Variants in ADK observed in about 807,000 individuals in gnomAD.
ADK encodes the protein adenosine kinase.
Under a neutral mutation model 44.7 loss-of-function variants are expected in ADK, and 24 were observed. The ratio of observed to expected loss-of-function variants is 0.54; its 90% CI spans 0.39 to 0.76. The LOEUF (loss-of-function observed/expected upper bound fraction) is 0.76, where lower values mean the gene tolerates loss of function less well. Ranked by LOEUF, ADK falls within the 30% of genes least tolerant of loss-of-function variation. The pLI, the probability that ADK is intolerant of heterozygous loss-of-function variation, is 0.00. For synonymous variants in ADK, 128 were observed against 142.6 expected, an observed-to-expected ratio of 0.90 and a Z score of 0.73; for missense variants, 321 against 425.1, an observed-to-expected ratio of 0.76 and a Z score of 2.15.
intron 7 of ADK, among the ~76,000 whole-genome samples, chr10:74,532,295 T>C (rs566031874): frequency 4.0e-4 from 61 of 151,936 alleles, no homozygotes; most frequent in African/African-American, 1.5e-3. Context: ...CTGGCCAACA[T>C]TGCAAAACCT....
chr10:74,313,272 A>C (rs1009318855), intron 3 of ADK, among the ~76,000 whole-genome samples: 2 of 152,070 alleles, frequency 1.3e-5, no homozygotes, highest in African/African-American at 2.4e-5. Flanking sequence ...TTCTTTTTCA[A>C]AGTCATACAC....
chr10:74,278,181 C>T (rs1247478798), intron 3 of ADK, among the ~76,000 whole-genome samples: 1 of 151,432 alleles, frequency 6.6e-6, no homozygotes. Context: ...TGGCAAAACC[C>T]CATCTCTACT....
intron 2 of ADK, among the ~76,000 whole-genome samples, chr10:74,223,001 T>G (rs1032853647): frequency 3.3e-5 from 5 of 152,076 alleles, no homozygotes; most frequent in African/African-American, 1.2e-4. Context: ...CCCTAAAACT[T>G]AAAGTATAAT....
intron 9 of ADK, among the ~76,000 whole-genome samples, chr10:74,648,798 T>A (rs1049864907): frequency 1.3e-5 from 2 of 152,238 alleles, no homozygotes; most frequent in African/African-American, 2.4e-5. Flanking sequence ...CAAGGTTTTT[T>A]ATACTGTCCA....
chr10:74,639,387 T>G (rs1338616182), intron 9 of ADK, among the ~76,000 whole-genome samples: 1 of 152,242 alleles, frequency 6.6e-6, no homozygotes, highest in African/African-American at 2.4e-5. Flanking sequence ...TCATGTCACT[T>G]TTATGTATAA....
At chr10:74,685,996 C>T (rs1855771809) in intron 10 of ADK, among the ~76,000 whole-genome samples, 1 of 151,992 alleles carries the variant, frequency 6.6e-6, no homozygotes, top group African/African-American at 2.4e-5. Flanking sequence ...GTGTCTCGCT[C>T]TGTTGCTTAG....
At chr10:74,170,111 T>G (rs1271310658) in intron 1 of ADK, among the ~76,000 whole-genome samples, 1 of 152,190 alleles carries the variant, frequency 6.6e-6, no homozygotes, top group Non-Finnish European at 1.5e-5. Flanking sequence ...TAATATTATT[T>G]TACTGATTTT....
chr10:74,332,673 T>C (rs1002604277), intron 4 of ADK, among the ~76,000 whole-genome samples: 2 of 152,164 alleles, frequency 1.3e-5, no homozygotes, highest in East Asian at 3.8e-4. Flanking sequence ...AATCTGTTCA[T>C]AATGAACAAA....
At chr10:74,659,308 C>A (rs1203612105) in intron 9 of ADK, among the ~76,000 whole-genome samples, 1 of 152,174 alleles carries the variant, frequency 6.6e-6, no homozygotes, top group African/African-American at 2.4e-5. Flanking sequence ...TTTTCTTGGT[C>A]ATTTTTCCAT....
Position 74,261,654 on chromosome 10 carries a change from A to G in ADK, c.194+37063A>G, listed in dbSNP as rs78691835. On this transcript the variant is annotated intron_variant, in intron 3 of 10. Coordinates refer to ENST00000539909, the MANE Select transcript of ADK (RefSeq NM_006721.4). ...TTAAGTCTGGAAATGCAGATTGAAAATAATTATTCCTCAGAAACTTGAAGG... is the reference window on the plus strand; with the variant it reads ...TTAAGTCTGGAAATGCAGATTGAAAGTAATTATTCCTCAGAAACTTGAAGG... Among the ~76,000 whole-genome samples, 510 of 152,326 alleles carry G rather than the reference A, an allele frequency of 3.3e-3. 3 individuals carry two copies. The highest frequency in any genetic ancestry group is 0.011 in the African/African-American group (477 of 41,572).
At chr10:74,574,999 A>G (rs376794665) in intron 7 of ADK, among the ~76,000 whole-genome samples, 1 of 152,240 alleles carries the variant, frequency 6.6e-6, no homozygotes, top group African/African-American at 2.4e-5. Context: ...GAAACAGAGT[A>G]CAAATAAATT....
intron 10 of ADK, among the ~76,000 whole-genome samples, chr10:74,676,541 A>G (rs951331451): frequency 6.6e-6 from 1 of 152,192 alleles, no homozygotes; most frequent in Non-Finnish European, 1.5e-5. Context: ...CAACAGCACA[A>G]TCATAGCTCA....
At chr10:74,419,838 G>A (rs1844497634) in intron 6 of ADK, among the ~76,000 whole-genome samples, 1 of 152,150 alleles carries the variant, frequency 6.6e-6, no homozygotes, top group Admixed American at 6.5e-5. Flanking sequence ...AATTTACAAT[G>A]ATGTAATGGT....
intron 6 of ADK, among the ~76,000 whole-genome samples, chr10:74,504,494 A>T (rs59115211): frequency 1.9e-3 from 285 of 152,340 alleles, no homozygotes; most frequent in African/African-American, 6.6e-3. Context: ...TACCTGTAAC[A>T]TTAATCATTG....
rs57958159 is a variant in ADK at position 74,356,002 on chromosome 10, A to ATATTGTTTTT, written c.274-38138_274-38137insATTGTTTTTT. ...TCTGAAATATTTCACTAAATAATTC[A>ATATTGTTTTT]TTTTTTTTTTTTTTTTTTTTTTTTT... On this transcript the variant is annotated intron_variant, in intron 4 of 10. Coordinates refer to ENST00000539909, the MANE Select transcript of ADK (RefSeq NM_006721.4). Among the ~76,000 whole-genome samples, 84 of 83,302 alleles carry ATATTGTTTTT rather than the reference A, an allele frequency of 1.0e-3. 3 individuals carry two copies. Among genetic ancestry groups the ATATTGTTTTT allele is most frequent in the Middle Eastern group, 6.8e-3 (1 of 146 alleles). The allele number at this position is 83,302 out of a possible 152,430, so 54.6% of individuals were successfully genotyped here.
intron 3 of ADK, among the ~76,000 whole-genome samples, chr10:74,293,210 G>A (rs1447992586): frequency 6.8e-6 from 1 of 147,852 alleles, no homozygotes; most frequent in African/African-American, 2.5e-5. Context: ...ATTATTTGCA[G>A]GTGAAATGGT....
intron 7 of ADK, among the ~76,000 whole-genome samples, chr10:74,563,265 T>A (rs1013513706): frequency 6.6e-6 from 1 of 152,188 alleles, no homozygotes; most frequent in African/African-American, 2.4e-5. Flanking sequence ...CTTTCACCTG[T>A]CCCCTCAAAC....
rs76720486 is a variant in ADK, at chr10:74,693,642, A to C, written c.965-14679A>C. Among the ~76,000 whole-genome samples the C allele has an allele frequency of 7.8e-3, 1,190 of 152,298 alleles. 15 individuals carry two copies. The highest frequency in any genetic ancestry group is 0.027 in the African/African-American group (1,116 of 41,552). On this transcript the variant is annotated intron_variant, in intron 10 of 10. Transcript: ENST00000539909. ...CGTTTCAAAAGATGCGTACTGATTT[A>C]CTTGGTATATAGCTTCTGTAAGAGG... is the stretch of plus-strand genomic sequence containing the variant.
intron 6 of ADK, among the ~76,000 whole-genome samples, chr10:74,477,307 C>T (rs190119003): frequency 7.2e-4 from 109 of 152,238 alleles, no homozygotes; most frequent in African/African-American, 2.5e-3. Context: ...CAGGCACAAG[C>T]GATCCTCCCA....
Sources: gnomAD v4.1 joint callset for allele counts (sites outside exome capture counted in the v4.1 genomes callset) on GRCh38, gnomAD v4.1.1 for gene constraint, MANE v1.5 for transcripts, NCBI Gene and HGNC (gene_info 2026-07-23, HGNC 2026-07-21) for gene names.